NOM1: variants seen among roughly 807,000 people sequenced by gnomAD.
The protein encoded by NOM1 is nucleolar protein with MIF4G domain 1, also known as nucleolar MIF4G domain-containing protein 1.
Under a neutral mutation model 73.3 loss-of-function variants are expected in NOM1, and 58 were observed. That is an observed-to-expected ratio of 0.79 (90% CI 0.64 to 0.99). The LOEUF is 0.99. Among genes scored for constraint, NOM1 ranks in the 50% least tolerant of loss-of-function variants. NOM1 has a pLI of 0.00. For synonymous variants in NOM1, 487 were observed against 446.8 expected (o/e 1.09, Z -1.14); for missense variants, 1,226 against 1,131.9 (o/e 1.08, Z -1.19).
chr7:156,962,968 C>G, intron 5 of NOM1, 40 bp from the exon 6 acceptor site: 1 of 1,589,618 alleles, frequency 6.3e-7, no homozygotes, highest in Non-Finnish European at 8.6e-7. Flanking sequence ...GGAATATGAA[C>G]CAATTAAAAG....
Position 156,963,948 on chromosome 7 carries a change from A to C in NOM1, c.1955A>C (p.Asn652Thr). Residue 652 changes from asparagine (N) to threonine (T), a missense_variant, in exon 7 of 11, where the codon AAC (asparagine) becomes ACC (threonine). Asn to Thr is a moderately conservative substitution (Grantham distance 65, BLOSUM62 0). Transcript: ENST00000275820. The stretch of plus-strand genomic sequence containing the variant: ...GAACTCGCCCGGAAGCAGAGGATGA[A>C]CACAGACATCCGGAGAAACATATTC... ...ILELARKQRM[N>T]TDIRRNIFCT... is the part of the protein sequence containing the mutation. The C allele has an allele frequency of 6.2e-7, 1 of 1,614,198 alleles. No individual in the cohort carries two copies. Among genetic ancestry groups the C allele is most frequent in the Non-Finnish European group, 8.5e-7 (1 of 1,180,004 alleles).
chr7:156,966,610 T>C (rs1232117238), intron 8 of NOM1, among the ~76,000 whole-genome samples: 1 of 152,194 alleles, frequency 6.6e-6, no homozygotes, highest in African/African-American at 2.4e-5. Flanking sequence ...CATGTCCTCA[T>C]GTCACCTGCT....
intron 1 of NOM1, 36 bp downstream of exon 1, chr7:156,950,760 T>C: frequency 6.6e-7 from 1 of 1,510,258 alleles, no homozygotes; most frequent in Non-Finnish European, 8.9e-7. Context: ...CTCTGGGATT[T>C]CCTTCAAAAT....
chr7:156,967,390 G>A (rs1041666176), intron 9 of NOM1, among the ~76,000 whole-genome samples: 10 of 152,236 alleles, frequency 6.6e-5, no homozygotes, highest in Non-Finnish European at 1.3e-4. Context: ...TGTTAGTGAG[G>A]AGAAGGGCGG....
Position 156,962,157 on chromosome 7 carries a change from T to C in NOM1, c.1639T>C (p.Phe547Leu). The C allele has an allele frequency of 6.2e-7, 1 of 1,613,590 alleles. No homozygotes were observed. Among genetic ancestry groups the C allele is most frequent in the South Asian group, 1.1e-5 (1 of 91,070 alleles). The part of the protein sequence containing the change: ...SEFQDQTRIR[F>L]MLETMLALKN... ...TTTTTCATTTTTCTTGAAGATTCGG[T>C]TTATGCTAGAGACGATGTTGGCCCT... Residue 547 changes from phenylalanine (F) to leucine (L), a missense_variant, in exon 5 of 11, where the codon TTT becomes CTT. Physicochemically the swap from Phe to Leu is conservative, Grantham distance 22. Transcript: ENST00000275820.
At chr7:156,958,329 T>G (rs1055630046) in intron 3 of NOM1, among the ~76,000 whole-genome samples, 4 of 152,222 alleles carry the variant, frequency 2.6e-5, no homozygotes, top group African/African-American at 7.2e-5. Flanking sequence ...TCACAGATCC[T>G]TCAGCTTTTA....
chr7:156,958,246 C>G (rs1442702840), intron 3 of NOM1, among the ~76,000 whole-genome samples: 10 of 152,220 alleles, frequency 6.6e-5, no homozygotes, highest in Non-Finnish European at 1.3e-4. Flanking sequence ...AACCCCTGAG[C>G]TGGTCTTGTC....
rs1373086079 is a variant in NOM1, at chr7:156,950,363, T to C, written c.626T>C (p.Leu209Pro). The change falls in exon 1 of 11, where the codon CTG becomes CCG. Residue 209 changes from leucine to proline, a missense_variant. Physicochemically the swap from Leu to Pro is moderately conservative, Grantham distance 98 (BLOSUM62 -3). Coordinates refer to ENST00000275820, the MANE Select transcript of NOM1 (RefSeq NM_138400.2). ...KKKDGSSSVP[L>P]SFARDGLDYI... is the part of the protein sequence containing the mutation. ...AAGGACGGCAGCAGCTCCGTGCCGC[T>C]GAGCTTTGCACGCGACGGTCTTGAC... 2.5e-6 allele frequency: 4 copies of C among 1,614,094 alleles called. No individual in the cohort carries two copies. Among genetic ancestry groups the C allele is most frequent in the Non-Finnish European group, 3.4e-6 (4 of 1,180,030 alleles).
chr7:156,968,343 C>T lies in NOM1; in HGVS notation c.2299-744C>T, dbSNP rs533577895. ...AGAGATGCCCCCCGCCCTGCCCCTC[C>T]GGGCTGCTCTCATTCCGAGTTTCTC... On this transcript the variant is annotated intron_variant, in intron 9 of 10. Coordinates refer to ENST00000275820, the MANE Select transcript of NOM1 (RefSeq NM_138400.2). Among the ~76,000 whole-genome samples the T allele has an allele frequency of 4.6e-5, 7 of 152,268 alleles. No individual in the cohort carries two copies. In the South Asian group the frequency reaches 6.2e-4, roughly 14 times the overall value.
chr7:156,959,775 T>C lies in NOM1; in HGVS notation c.1309-76T>C, dbSNP rs149736832. 6.9e-5 allele frequency: 95 copies of C among 1,374,068 alleles called. No individual in the cohort carries two copies. In the East Asian group the frequency reaches 7.5e-4, roughly 11 times the overall value. 85.1% of individuals were successfully genotyped at this position (1,374,068 alleles called of 1,614,324 possible). The stretch of plus-strand genomic sequence containing the variant: ...TGTGGCACTTTGTTAATTTAGAAAG[T>C]GCCAGTTCTGTGTGTTGAAGGAGAA... On this transcript the variant is annotated intron_variant, in intron 3 of 10. Transcript: ENST00000275820.
rs142522087 is a variant in NOM1 at position 156,963,017 on chromosome 7, G to A, written c.1753G>A (p.Ala585Thr). ...CTTCTCTCTTCATCAGGTCCGCAAC[G>A]CCGGCTCAGGTTCTGAGACGCAGCT... ...RKLQRALVRN[A>T]GSGSETQLRV... The change falls in exon 6 of 11, where the codon GCC becomes ACC. Residue 585 changes from alanine (A) to threonine (T), a missense_variant. Ala to Thr is a moderately conservative substitution (Grantham distance 58). Coordinates refer to ENST00000275820, the MANE Select transcript of NOM1 (RefSeq NM_138400.2). 18 of 1,611,880 alleles carry A rather than the reference G, an allele frequency of 1.1e-5. No individual in the cohort carries two copies. Among genetic ancestry groups the A allele is most frequent in the African/African-American group, 4.0e-5 (3 of 75,040 alleles).
At chr7:156,958,689 A>G (rs71536094) in intron 3 of NOM1, 1 of 152,238 alleles carries the variant, frequency 6.6e-6, no homozygotes, top group African/African-American at 2.4e-5. Context: ...ACAGTTACGG[A>G]ATTCGGGATA....
In NOM1 at chr7:156,971,076, G is replaced by A. The variant is rs1413441340; in HGVS notation, c.*1373G>A. The A allele has an allele frequency of 2.0e-5, 3 of 152,186 alleles. No individual in the cohort carries two copies. The East Asian group carries it at 5.8e-4, about 29-fold the overall frequency. The allele number at this position is 152,186 out of a possible 1,614,324, so 9.4% of individuals were successfully genotyped here. A position where few individuals can be genotyped will look rare whatever the true frequency, so the allele number is the denominator to read the frequency against. ...TCACTAAGTATGGAAAACTGATTCT[G>A]GGAGGAAGCAGAAATGTCCCTAGAT... On this transcript the variant is annotated 3_prime_UTR_variant, in exon 11 of 11. Coordinates refer to ENST00000275820, the MANE Select transcript of NOM1 (RefSeq NM_138400.2).
intron 5 of NOM1, 96 bp downstream of exon 5, chr7:156,962,357 G>A: frequency 2.0e-6 from 2 of 1,019,354 alleles, no homozygotes; most frequent in Non-Finnish European, 3.1e-6. Flanking sequence ...CTGCACGTCA[G>A]GGTGGTGTCT....
At chr7:156,968,022 C>T (rs896548526) in intron 9 of NOM1, among the ~76,000 whole-genome samples, 4 of 152,186 alleles carry the variant, frequency 2.6e-5, no homozygotes, top group Admixed American at 6.5e-5. Context: ...CACAGCTTCC[C>T]GTGTGTTTCT....
chr7:156,949,927 G>A lies in NOM1; in HGVS notation c.190G>A (p.Gly64Ser). 1 of 1,542,416 alleles carries A rather than the reference G, an allele frequency of 6.5e-7. No homozygotes were observed. The change falls in exon 1 of 11, where the codon GGT becomes AGT. Residue 64 changes from glycine (G) to serine (S), a missense_variant. Transcript: ENST00000275820. ...HATSEGEAPG[G>S]CEGRGAPVSF... ...GACTTCGGAAGGCGAGGCTCCCGGGGGTTGCGAGGGGCGCGGCGCCCCGGT... is the reference window on the plus strand; with the variant it reads ...GACTTCGGAAGGCGAGGCTCCCGGGAGTTGCGAGGGGCGCGGCGCCCCGGT...
intron 3 of NOM1, among the ~76,000 whole-genome samples, chr7:156,954,694 G>A (rs1270639273): frequency 2.6e-5 from 4 of 151,940 alleles, no homozygotes; most frequent in Non-Finnish European, 4.4e-5. Flanking sequence ...GGGAGCAGAA[G>A]TGGAGTCTCA....
intron 3 of NOM1, among the ~76,000 whole-genome samples, chr7:156,956,082 A>C (rs1804712795): frequency 6.6e-6 from 1 of 151,672 alleles, no homozygotes; most frequent in Non-Finnish European, 1.5e-5. Flanking sequence ...AGTCCCAGCT[A>C]CTCCGGAGAC....
At chr7:156,966,796 G>A (rs907264642) in intron 8 of NOM1, among the ~76,000 whole-genome samples, 165 bp from the exon 9 acceptor site, 1 of 152,154 alleles carries the variant, frequency 6.6e-6, no homozygotes, top group African/African-American at 2.4e-5. Flanking sequence ...AGCTGTTTGG[G>A]ACTATGCTCT....
Sources: allele counts gnomAD v4.1 joint callset (sites outside exome capture counted in the v4.1 genomes callset), GRCh38; gene constraint gnomAD v4.1.1; transcripts MANE v1.5; gene names NCBI Gene and HGNC (gene_info 2026-07-23, HGNC 2026-07-21).